LINGO2: variants seen among roughly 807,000 people sequenced by gnomAD.
LINGO2 encodes the protein leucine-rich repeat and immunoglobulin-like domain-containing nogo receptor-interacting protein 2.
Under a neutral mutation model 30.6 loss-of-function variants are expected in LINGO2, and 14 were observed. The observed-to-expected ratio is 0.46, with a 90% CI of 0.30 to 0.72. The LOEUF (loss-of-function observed/expected upper bound fraction) is 0.72. LINGO2 is among the 30% of genes least tolerant of loss of function. LINGO2 has a pLI of 0.07. For synonymous variants in LINGO2, 317 were observed against 288.5 expected, an observed-to-expected ratio of 1.10 and a Z score of -1.00; for missense variants, 729 against 751.7, an observed-to-expected ratio of 0.97 and a Z score of 0.35.
chr9:28,027,436 A>C (rs1823436406), intron 4 of LINGO2, among the ~76,000 whole-genome samples: 1 of 152,086 alleles, frequency 6.6e-6, no homozygotes, highest in Non-Finnish European at 1.5e-5. Context: ...CTTGTGTGCC[A>C]GTTTATTGAA....
intron 1 of LINGO2, among the ~76,000 whole-genome samples, chr9:28,646,350 G>T (rs1827836964): frequency 6.6e-6 from 1 of 151,986 alleles, no homozygotes; most frequent in Admixed American, 6.6e-5. Flanking sequence ...TCATTCTAAG[G>T]CACACACACA....
chr9:28,650,909 G>C (rs1420673151), intron 1 of LINGO2, among the ~76,000 whole-genome samples: 2 of 152,140 alleles, frequency 1.3e-5, no homozygotes, highest in African/African-American at 4.8e-5. Context: ...TGAAAATTAT[G>C]GCTGGATGCG....
At chr9:28,302,223 A>G (rs1031516819) in intron 3 of LINGO2, among the ~76,000 whole-genome samples, 1 of 152,190 alleles carries the variant, frequency 6.6e-6, no homozygotes, top group Admixed American at 6.5e-5. Flanking sequence ...CTAAAATGGG[A>G]AACAAGAAAT....
the LINGO2 span, among the ~76,000 whole-genome samples, chr9:28,798,922 G>A: frequency 6.6e-6 from 1 of 152,136 alleles, no homozygotes; most frequent in Admixed American, 6.6e-5. Flanking sequence ...ATTGTAAATA[G>A]TTAAATAGAG....
the LINGO2 span, among the ~76,000 whole-genome samples, chr9:29,204,705 T>A: frequency 3.3e-5 from 5 of 152,208 alleles, no homozygotes; most frequent in Non-Finnish European, 7.3e-5. Context: ...TTTATCTATT[T>A]TCCTATTGGA....
At chr9:28,193,946 T>C (rs1017298482) in intron 4 of LINGO2, among the ~76,000 whole-genome samples, 2 of 152,224 alleles carry the variant, frequency 1.3e-5, no homozygotes, top group African/African-American at 4.8e-5. Context: ...GCAGCTGATT[T>C]GCCCCAGAGT....
the LINGO2 span, among the ~76,000 whole-genome samples, chr9:28,968,247 C>T: frequency 6.6e-6 from 1 of 152,200 alleles, no homozygotes; most frequent in Middle Eastern, 3.4e-3. Flanking sequence ...CGAGTTTTTG[C>T]TCTAGAAATT....
intron 1 of LINGO2, among the ~76,000 whole-genome samples, chr9:28,645,549 TAATAGTTCAA>T (rs1827800063): frequency 6.6e-6 from 1 of 152,108 alleles, no homozygotes; most frequent in South Asian, 2.1e-4. Context: ...CATTGTTGTC[TAATAGTTCAA>T]AATCAATGAG....
chr9:29,184,772 G>A, the LINGO2 span, among the ~76,000 whole-genome samples: 2 of 149,862 alleles, frequency 1.3e-5, no homozygotes, highest in African/African-American at 4.9e-5. Flanking sequence ...TTTGTCTGGA[G>A]AATGGATTTA....
chr9:28,199,865 C>T (rs1044494431), intron 4 of LINGO2, among the ~76,000 whole-genome samples: 4 of 151,886 alleles, frequency 2.6e-5, no homozygotes, highest in South Asian at 2.1e-4. Flanking sequence ...TATTACCATC[C>T]GATAATAACC....
chr9:28,725,026 C>A, the LINGO2 span, among the ~76,000 whole-genome samples: 3 of 151,782 alleles, frequency 2.0e-5, no homozygotes, highest in Admixed American at 6.6e-5. Flanking sequence ...AGACAAAAAT[C>A]TGAAATAAAA....
chr9:29,039,963 CA>C, the LINGO2 span, among the ~76,000 whole-genome samples: 1 of 152,010 alleles, frequency 6.6e-6, no homozygotes, highest in Non-Finnish European at 1.5e-5. Flanking sequence ...TTCTCCATGT[CA>C]AGTATAAAAC....
chr9:28,123,630 T>C (rs769312175), intron 4 of LINGO2, among the ~76,000 whole-genome samples: 1 of 152,044 alleles, frequency 6.6e-6, no homozygotes, highest in East Asian at 1.9e-4. Context: ...TGTGAACCCT[T>C]CTATAAAAAA....
intron 1 of LINGO2, among the ~76,000 whole-genome samples, chr9:28,644,708 C>T (rs1050179541): frequency 6.6e-6 from 1 of 151,930 alleles, no homozygotes; most frequent in African/African-American, 2.4e-5. Context: ...GTTTGTAAAG[C>T]AAAGGATAAA....
the LINGO2 span, among the ~76,000 whole-genome samples, chr9:29,131,303 C>T: frequency 2.0e-5 from 3 of 152,056 alleles, no homozygotes; most frequent in African/African-American, 7.2e-5. Flanking sequence ...TACTGGGAAT[C>T]AGCTTAATTT....
At chr9:28,118,440 G>A (rs1563985100) in intron 4 of LINGO2, among the ~76,000 whole-genome samples, 2 of 152,086 alleles carry the variant, frequency 1.3e-5, no homozygotes, top group African/African-American at 2.4e-5. Flanking sequence ...TAATAAGTAC[G>A]CTTGTTAGTT....
chr9:28,525,782 G>A (rs999860811), intron 1 of LINGO2, among the ~76,000 whole-genome samples: 4 of 152,216 alleles, frequency 2.6e-5, no homozygotes, highest in African/African-American at 4.8e-5. Flanking sequence ...AGGGCCGGGC[G>A]CAGTGGCTCA....
At chr9:28,658,457 T>C (rs1333002810) in intron 1 of LINGO2, among the ~76,000 whole-genome samples, 1 of 152,076 alleles carries the variant, frequency 6.6e-6, no homozygotes, top group Non-Finnish European at 1.5e-5. Flanking sequence ...TATTACATCT[T>C]CTTGGTGATC....
At chr9:29,004,816 G>GT in the LINGO2 span, among the ~76,000 whole-genome samples, 2 of 151,760 alleles carry the variant, frequency 1.3e-5, no homozygotes, top group African/African-American at 4.8e-5. Context: ...AACTCTTGAC[G>GT]TAAGAGTTAG....
Sources: allele counts gnomAD v4.1 joint callset (sites outside exome capture counted in the v4.1 genomes callset), GRCh38; gene constraint gnomAD v4.1.1; transcripts MANE v1.5; gene names NCBI Gene and HGNC (gene_info 2026-07-23, HGNC 2026-07-21).